SEMA3A: variants seen among roughly 807,000 people sequenced by gnomAD.
SEMA3A encodes semaphorin 3A.
Under a neutral mutation model 97.9 loss-of-function variants are expected in SEMA3A, and 29 were observed. The observed-to-expected ratio is 0.30, with a 90% confidence interval of 0.22 to 0.40. The LOEUF (loss-of-function observed/expected upper bound fraction) is 0.40, where lower values mean the gene tolerates loss of function less well. Ranked by LOEUF, SEMA3A falls within the 10% of genes least tolerant of loss-of-function variation. SEMA3A has a pLI of 1.00. For synonymous variants in SEMA3A, 321 were observed against 323.7 expected (o/e 0.99, Z 0.09); for missense variants, 763 against 951.3 (o/e 0.80, Z 2.60).
chr7:84,301,689 T>C (rs886175797), intron 3 of SEMA3A, among the ~76,000 whole-genome samples: 3 of 152,174 alleles, frequency 2.0e-5, no homozygotes, highest in African/African-American at 7.2e-5. Context: ...AATTCTGCCT[T>C]TGTAATATGA....
At chr7:84,086,989 T>C (rs1243164162) in intron 4 of SEMA3A, among the ~76,000 whole-genome samples, 2 of 152,152 alleles carry the variant, frequency 1.3e-5, no homozygotes, top group Non-Finnish European at 2.9e-5. Flanking sequence ...TTAATCCCAG[T>C]CATCAAATTT....
intron 1 of SEMA3A, among the ~76,000 whole-genome samples, chr7:84,169,047 AT>A (rs1162375726): frequency 6.6e-6 from 1 of 151,710 alleles, no homozygotes; most frequent in Non-Finnish European, 1.5e-5. Flanking sequence ...CCAGTATTTT[AT>A]TTTTTAACAA....
At chr7:84,324,759 G>A (rs1002281449) in intron 2 of SEMA3A, among the ~76,000 whole-genome samples, 2 of 151,894 alleles carry the variant, frequency 1.3e-5, no homozygotes, top group Admixed American at 1.3e-4. Context: ...ACCAAAATAT[G>A]CTTAGCTGAA....
chr7:84,375,448 C>G (rs1265836528), intron 1 of SEMA3A, among the ~76,000 whole-genome samples: 1 of 152,150 alleles, frequency 6.6e-6, no homozygotes, highest in Admixed American at 6.5e-5. Context: ...CTAAAATCTT[C>G]TTCAGTATCA....
chr7:84,422,854 T>C (rs1804637774), intron 1 of SEMA3A, among the ~76,000 whole-genome samples: 1 of 152,028 alleles, frequency 6.6e-6, no homozygotes, highest in Non-Finnish European at 1.5e-5. Context: ...ATTTAGAATG[T>C]CAATTGTAAT....
At position 84,289,050 on chromosome 7, in the gene SEMA3A, ATCT is replaced by A. The variant is rs1176924700; in HGVS notation, c.-83+18154_-83+18156del. Among the ~76,000 whole-genome samples, 7 of 152,260 alleles carry A rather than the reference ATCT, an allele frequency of 4.6e-5. No individual in the cohort carries two copies. The South Asian group carries it at 1.0e-3, about 23-fold the overall frequency. ...TATTCAGCTGTTAAAAAAAAATATA[ATCT>A]TCTCATTTGCAGCAACTTGGATGAG... is the stretch of plus-strand genomic sequence containing the variant. On this transcript the variant is annotated intron_variant, in intron 3 of 3. Transcript: ENST00000424555.
chr7:84,283,301 G>A (rs544421581), intron 3 of SEMA3A, among the ~76,000 whole-genome samples: 5 of 152,008 alleles, frequency 3.3e-5, no homozygotes, highest in East Asian at 1.9e-4. Context: ...ATCAATACAC[G>A]CGTGTGTTAA....
chr7:84,066,800 T>A (rs1418927389), intron 4 of SEMA3A, among the ~76,000 whole-genome samples: 3 of 152,162 alleles, frequency 2.0e-5, no homozygotes, highest in Non-Finnish European at 4.4e-5. Flanking sequence ...GAACATTCCA[T>A]GCTCATGGGT....
chr7:84,223,474 A>G (rs1037440824), intron 3 of SEMA3A, among the ~76,000 whole-genome samples: 27 of 151,866 alleles, frequency 1.8e-4, no homozygotes, highest in Admixed American at 7.2e-4. Context: ...TTTTAATATC[A>G]TGATTCTTTA....
chr7:84,419,771 C>T (rs1024113414), intron 1 of SEMA3A, among the ~76,000 whole-genome samples: 2 of 152,084 alleles, frequency 1.3e-5, no homozygotes, highest in Non-Finnish European at 2.9e-5. Flanking sequence ...TTGAAAATTT[C>T]GCTAGGGTAT....
At chr7:84,266,740 G>A (rs988352842) in intron 3 of SEMA3A, among the ~76,000 whole-genome samples, 1 of 152,094 alleles carries the variant, frequency 6.6e-6, no homozygotes, top group African/African-American at 2.4e-5. Flanking sequence ...GACATCACAG[G>A]ACTTGCTAGT....
chr7:84,194,247 CA>C (rs1255578026), intron 1 of SEMA3A, among the ~76,000 whole-genome samples: 1 of 151,976 alleles, frequency 6.6e-6, no homozygotes, highest in Non-Finnish European at 1.5e-5. Context: ...CTCTTTTCAG[CA>C]AATGTGATTA....
chr7:84,046,526 T>G (rs1288123909), intron 5 of SEMA3A, 83 bp from the exon 6 acceptor site: 4 of 1,511,582 alleles, frequency 2.6e-6, no homozygotes, highest in Non-Finnish European at 3.6e-6. Context: ...AAAATGCAAG[T>G]TTCATGTTAT....
chr7:84,265,178 C>T (rs191335412), intron 3 of SEMA3A, among the ~76,000 whole-genome samples: 6 of 152,090 alleles, frequency 3.9e-5, no homozygotes, highest in African/African-American at 7.2e-5. Flanking sequence ...TATTATTACA[C>T]GTAATCATAT....
rs112582421 is a variant in SEMA3A, at chr7:84,477,289, A to C, written c.-246+15171T>G. 7.3e-5 allele frequency among the ~76,000 whole-genome samples: 11 copies of C among 150,840 alleles called. 1 individual carries two copies. Among genetic ancestry groups the C allele is most frequent in the African/African-American group, 2.7e-4 (11 of 41,256 alleles). The stretch of plus-strand genomic sequence containing the variant: ...CCGTCTCTACTAAAAATACAAAAAA[A>C]TTAGCCAGGCATGGTGGAGGGCACC... On this transcript the variant is annotated intron_variant, in intron 1 of 3. Coordinates refer to the SEMA3A transcript ENST00000424555.
intron 3 of SEMA3A, among the ~76,000 whole-genome samples, chr7:84,285,806 G>T (rs1800569847): frequency 6.6e-6 from 1 of 151,860 alleles, no homozygotes; most frequent in Non-Finnish European, 1.5e-5. Context: ...TGGACATGGT[G>T]GTGTGGACCT....
intron 5 of SEMA3A, among the ~76,000 whole-genome samples, chr7:84,047,049 T>A (rs1278002833): frequency 6.6e-6 from 1 of 152,064 alleles, no homozygotes; most frequent in Admixed American, 6.6e-5. Flanking sequence ...TTTTTATTTG[T>A]TATAAGCTAT....
chr7:84,466,450 G>A (rs1476470759), intron 1 of SEMA3A, among the ~76,000 whole-genome samples: 1 of 152,108 alleles, frequency 6.6e-6, no homozygotes, highest in African/African-American at 2.4e-5. Flanking sequence ...TGGGATTACA[G>A]GTGTGAGCCG....
intron 1 of SEMA3A, among the ~76,000 whole-genome samples, chr7:84,158,422 G>T (rs1330301322): frequency 1.3e-5 from 2 of 152,072 alleles, no homozygotes; most frequent in East Asian, 3.9e-4. Context: ...AAAGTGCTGG[G>T]ATTATAGGCG....
Sources: allele counts gnomAD v4.1 joint callset (sites outside exome capture counted in the v4.1 genomes callset), GRCh38; gene constraint gnomAD v4.1.1; transcripts MANE v1.5; gene names NCBI Gene and HGNC (gene_info 2026-07-23, HGNC 2026-07-21).